Variants in NF1 observed in about 807,000 individuals in gnomAD.
NF1 encodes the protein neurofibromin 1, also known as neurofibromin.
NF1 carries 122 observed loss-of-function variants against 325.7 expected under a neutral mutation model. The ratio of observed to expected loss-of-function variants is 0.37; its 90% CI spans 0.32 to 0.44. NF1 has a LOEUF of 0.44. Ranked by LOEUF, NF1 falls within the 20% of genes least tolerant of loss-of-function variation. The probability of loss-of-function intolerance (pLI) is 1.00; values close to 1 mark genes in which losing one functional copy is unlikely to be tolerated. For synonymous variants in NF1, 1,091 were observed against 1,186.0 expected (o/e 0.92, Z 1.65); for missense variants, 2,140 against 3,415.4 (o/e 0.63, Z 9.31).
At chr17:31,327,383 CTCT>C (rs1412682373) in intron 37 of NF1, 113 bp from the exon 38 acceptor site, 28 of 741,848 alleles carry the variant, frequency 3.8e-5, no homozygotes, top group Middle Eastern at 2.3e-4. Flanking sequence ...ATGGTGGGAA[CTCT>C]TCCTTAAATG....
At chr17:31,127,634 G>A (rs1914998293) in intron 1 of NF1, among the ~76,000 whole-genome samples, 1 of 140,296 alleles carries the variant, frequency 7.1e-6, no homozygotes, top group African/African-American at 2.6e-5. Flanking sequence ...GTTTTGCTAT[G>A]TTGCCCAGGC....
chr17:31,132,135 G>A (rs1389582344), intron 1 of NF1, among the ~76,000 whole-genome samples: 1 of 152,018 alleles, frequency 6.6e-6, no homozygotes, highest in Non-Finnish European at 1.5e-5. Context: ...GTCTCACCTT[G>A]TTGCCCAGGC....
intron 43 of NF1, 52 bp from the exon 44 acceptor site, chr17:31,337,766 CA>C: frequency 6.4e-7 from 1 of 1,562,086 alleles, no homozygotes. Flanking sequence ...ATTATTTAAA[CA>C]GTTCTAAAAA....
At chr17:31,308,338 AC>A (rs1384106390) in intron 36 of NF1, among the ~76,000 whole-genome samples, 2 of 151,924 alleles carry the variant, frequency 1.3e-5, no homozygotes, top group African/African-American at 4.8e-5. Flanking sequence ...ACAGGGTTTC[AC>A]CATGTTGTCC....
At position 31,147,219 on chromosome 17, in the gene NF1, C is replaced by T. The variant is rs532192048; in HGVS notation, c.61-8764C>T. 2.0e-5 allele frequency among the ~76,000 whole-genome samples: 3 copies of T among 152,292 alleles called. No homozygotes were observed. The East Asian group carries it at 5.8e-4, about 29-fold the overall frequency. On this transcript the variant is annotated intron_variant, in intron 1 of 57. Coordinates refer to ENST00000358273, the MANE Select transcript of NF1 (RefSeq NM_001042492.3). ...ACAATACTGTGAATCTAGGAGTCCT[C>T]CTCGTGTTTCCTTTCAGTCACTGTT...
intron 4 of NF1, among the ~76,000 whole-genome samples, chr17:31,168,253 C>T (rs1423093251): frequency 1.3e-5 from 2 of 152,184 alleles, no homozygotes; most frequent in African/African-American, 4.8e-5. Flanking sequence ...CTCTTCTTCC[C>T]TTTTCAGTAA....
intron 36 of NF1, among the ~76,000 whole-genome samples, chr17:31,268,989 AGCCACCACACCTG>A (rs2067841904): frequency 6.6e-6 from 1 of 151,724 alleles, no homozygotes; most frequent in Admixed American, 6.6e-5. Flanking sequence ...TACAGATGTG[AGCCACCACACCTG>A]GCCTAATTTT....
At chr17:31,203,234 A>G (rs1402194466) in intron 11 of NF1, among the ~76,000 whole-genome samples, 2 of 151,972 alleles carry the variant, frequency 1.3e-5, no homozygotes, top group African/African-American at 4.8e-5. Flanking sequence ...ATCCTCTTCT[A>G]CTCTAATGAG....
At chr17:31,243,191 T>TGTGTGTGTGTGTGTGTGTGTGG (rs2067333179) in intron 29 of NF1, among the ~76,000 whole-genome samples, 3 of 151,268 alleles carry the variant, frequency 2.0e-5, no homozygotes, top group South Asian at 2.1e-4. Context: ...TGTCTGTGTG[T>TGTGTGTGTGTGTGTGTGTGTGG]GTGTGTGTGT....
chr17:31,356,332 A>G, intron 51 of NF1, 128 bp from the exon 52 acceptor site: 2 of 901,842 alleles, frequency 2.2e-6, no homozygotes, highest in African/African-American at 1.6e-5. Context: ...CCAGGGATGT[A>G]TTAGAGCTTT....
At chr17:31,350,553 C>T (rs1043549514) in intron 50 of NF1, among the ~76,000 whole-genome samples, 6 of 152,066 alleles carry the variant, frequency 3.9e-5, no homozygotes, top group Admixed American at 1.3e-4. Context: ...CTCTGAAGCA[C>T]AGACCAAATG....
At chr17:31,236,728 GGTGTGAGCCACC>G (rs1291382848) in intron 29 of NF1, among the ~76,000 whole-genome samples, 1 of 151,846 alleles carries the variant, frequency 6.6e-6, no homozygotes, top group Non-Finnish European at 1.5e-5. Flanking sequence ...TGGGATTACA[GGTGTGAGCCACC>G]ATGCCCAGCC....
chr17:31,186,295 A>G (rs1346664227), intron 8 of NF1, among the ~76,000 whole-genome samples: 2 of 152,192 alleles, frequency 1.3e-5, no homozygotes, highest in African/African-American at 4.8e-5. Flanking sequence ...GGAAGAGAAG[A>G]CTAGGGCCTG....
intron 1 of NF1, among the ~76,000 whole-genome samples, chr17:31,105,981 T>A (rs1297819824): frequency 6.6e-6 from 1 of 152,242 alleles, no homozygotes; most frequent in African/African-American, 2.4e-5. Context: ...TTAATCAAAA[T>A]TTTATACTCA....
rs141012956 is a variant in NF1, at chr17:31,318,953, C to G, written c.4836-6867C>G. 141 of 1,613,534 alleles carry G rather than the reference C, an allele frequency of 8.7e-5. No individual in the cohort carries two copies. The African/African-American group carries it at 1.8e-3, about 20-fold the overall frequency. The stretch of plus-strand genomic sequence containing the variant: ...TTTGTTCCAGGAGACAAAGAAAAAA[C>G]TGTTGTCATCAGAAAGGCAAGATGT... On this transcript the variant is annotated intron_variant, in intron 36 of 57. Coordinates refer to ENST00000358273, the MANE Select transcript of NF1 (RefSeq NM_001042492.3).
At chr17:31,145,058 T>A (rs1916493681) in intron 1 of NF1, among the ~76,000 whole-genome samples, 1 of 152,236 alleles carries the variant, frequency 6.6e-6, no homozygotes, top group South Asian at 2.1e-4. Flanking sequence ...ATTTTCCTCT[T>A]CGTTCCCTTT....
At chr17:31,195,961 T>C (rs2143850505) in intron 8 of NF1, among the ~76,000 whole-genome samples, 1 of 152,224 alleles carries the variant, frequency 6.6e-6, no homozygotes, top group African/African-American at 2.4e-5. Flanking sequence ...AAGTGTAATT[T>C]CTGGATCATA....
chr17:31,252,655 C>T (rs1263077106), intron 30 of NF1: 2 of 386,842 alleles, frequency 5.2e-6, no homozygotes, highest in Admixed American at 8.2e-5. Context: ...ATTTAATATC[C>T]TCAAATTCAC....
chr17:31,275,616 G>T (rs2067991750), intron 36 of NF1, among the ~76,000 whole-genome samples: 1 of 152,162 alleles, frequency 6.6e-6, no homozygotes, highest in African/African-American at 2.4e-5. Context: ...AGGTATCCCT[G>T]AGGGGTCTTG....
Sources: allele counts gnomAD v4.1 joint callset (sites outside exome capture counted in the v4.1 genomes callset), GRCh38; gene constraint gnomAD v4.1.1; transcripts MANE v1.5; gene names NCBI Gene and HGNC (gene_info 2026-07-23, HGNC 2026-07-21).